EPHA8: variants seen among roughly 807,000 people sequenced by gnomAD.
The protein encoded by EPHA8 is EPH receptor A8.
A neutral mutation model predicts 103.6 loss-of-function variants in EPHA8; 58 were observed. That is an observed-to-expected ratio of 0.56 (90% CI 0.45 to 0.70). The LOEUF is 0.70. Ranked by LOEUF, EPHA8 falls within the 30% of genes least tolerant of loss-of-function variation. The pLI is 0.00. For synonymous variants in EPHA8, 559 were observed against 572.5 expected, an observed-to-expected ratio of 0.98 and a Z score of 0.34; for missense variants, 1,304 against 1,395.2, an observed-to-expected ratio of 0.93 and a Z score of 1.04.
At position 22,598,059 on chromosome 1, in the gene EPHA8, C is replaced by A; in HGVS notation, c.2117-92C>A. 6.7e-7 allele frequency: 1 copy of A among 1,483,360 alleles called. No homozygotes were observed. Among genetic ancestry groups the A allele is most frequent in the Non-Finnish European group, 9.4e-7 (1 of 1,066,668 alleles). The allele number at this position is 1,483,360 out of a possible 1,614,324, so 91.9% of individuals were successfully genotyped here. ...CACCCTGGGGTTTCCAGTGCTGGCA[C>A]AGGTCCTGAGATGGTGGTATGCTCC... On this transcript the variant is annotated intron_variant, in intron 11 of 16. Transcript: ENST00000166244. This position sits in a 1 kb window ranked among gnomAD's most constrained non-coding sequence, Gnocchi z 5.1.
chr1:22,576,175 G>C lies in EPHA8; in HGVS notation c.160-42G>C. 1 of 1,562,438 alleles carries C rather than the reference G, an allele frequency of 6.4e-7. No individual in the cohort carries two copies. Among genetic ancestry groups the C allele is most frequent in the South Asian group, 1.2e-5 (1 of 82,800 alleles). ...AGGGTCATTGGCAAAAGAGGGTGAGGTGCTGGCTCTGCTGTAGTGGCTGTG... is the reference window on the plus strand; with the variant it reads ...AGGGTCATTGGCAAAAGAGGGTGAGCTGCTGGCTCTGCTGTAGTGGCTGTG... On this transcript the variant is annotated intron_variant, in intron 2 of 16. Transcript: ENST00000166244. This position sits in a 1 kb window ranked among gnomAD's most constrained non-coding sequence, Gnocchi z 4.8.
At chr1:22,586,734 T>G in intron 4 of EPHA8, 99 bp downstream of exon 4, 23 of 1,431,154 alleles carry the variant, frequency 1.6e-5, no homozygotes, top group African/African-American at 4.5e-5. Flanking sequence ...TCTCTGCTGG[T>G]GGGGCAGGGG....
intron 9 of EPHA8, among the ~76,000 whole-genome samples, chr1:22,596,987 C>A (rs1412519406): frequency 1.3e-5 from 2 of 152,130 alleles, no homozygotes; most frequent in Non-Finnish European, 2.9e-5. Context: ...TCAAAGTTGA[C>A]CCTTGTGGCA....
chr1:22,583,414 C>T (rs557515147), intron 3 of EPHA8, among the ~76,000 whole-genome samples: 3 of 152,342 alleles, frequency 2.0e-5, no homozygotes, highest in South Asian at 2.1e-4. Flanking sequence ...GCCACAGCGG[C>T]GCAGCCATCT....
At chr1:22,588,539 TG>T (rs1641281100) in intron 4 of EPHA8, among the ~76,000 whole-genome samples, 1 of 147,752 alleles carries the variant, frequency 6.8e-6, no homozygotes, top group Non-Finnish European at 1.5e-5. Flanking sequence ...GTGGCTGCTG[TG>T]GGCACCCCCG....
Position 22,589,303 on chromosome 1 carries a change from G to T in EPHA8, c.1315+97G>T, listed in dbSNP as rs1557572771. On this transcript the variant is annotated intron_variant, in intron 5 of 16. Transcript: ENST00000166244. This position sits in a 1 kb window ranked among gnomAD's most constrained non-coding sequence, Gnocchi z 4.3. ...CAGAGCTCTGCCGGGGACGTGCTGTGGGCCTTTAGGCAAGTGCCTCTCTGG... is the reference window on the plus strand; with the variant it reads ...CAGAGCTCTGCCGGGGACGTGCTGTTGGCCTTTAGGCAAGTGCCTCTCTGG... 1 of 1,612,354 alleles carries T rather than the reference G, an allele frequency of 6.2e-7. No individual in the cohort carries two copies. Among genetic ancestry groups the T allele is most frequent in the Admixed American group, 1.7e-5 (1 of 60,020 alleles).
At chr1:22,600,265 AGGG>A (rs1483286689) in intron 13 of EPHA8, among the ~76,000 whole-genome samples, 1 of 145,486 alleles carries the variant, frequency 6.9e-6, no homozygotes, top group Non-Finnish European at 1.5e-5. Flanking sequence ...GGAAGGAAGA[AGGG>A]AAGGAAGGAA....
intron 4 of EPHA8, 145 bp downstream of exon 4, chr1:22,586,780 T>TGGCG (rs1641223178): frequency 1.1e-6 from 1 of 908,128 alleles, no homozygotes. Flanking sequence ...CAGTCTGAGG[T>TGGCG]GGGGGGGGTG....
At chr1:22,601,174 C>A in intron 15 of EPHA8, 86 bp downstream of exon 15, 1 of 1,534,486 alleles carries the variant, frequency 6.5e-7, no homozygotes, top group Non-Finnish European at 8.8e-7. Flanking sequence ...TTGGCCCTGA[C>A]ACTAGGACCA....
Position 22,596,150 on chromosome 1 carries a change from A to C in EPHA8, c.1742A>C (p.Lys581Thr), listed in dbSNP as rs138590921. The change falls in exon 9 of 17, where the codon AAG (lysine) becomes ACG (threonine). Residue 581 changes from lysine to threonine, a missense_variant. Lys to Thr is a moderately conservative substitution (Grantham distance 78). Coordinates refer to ENST00000166244, the MANE Select transcript of EPHA8 (RefSeq NM_020526.5). Reference protein sequence around the residue: ...SKAFQDSDEEKMHYQNGQAPP... With the variant: ...SKAFQDSDEETMHYQNGQAPP... ...GCCTTCCAGGACTCGGACGAGGAGA[A>C]GATGCACTATCAGAATGGACAGGGT... The C allele has an allele frequency of 6.2e-7, 1 of 1,613,858 alleles. No homozygotes were observed. Among genetic ancestry groups the C allele is most frequent in the African/African-American group, 1.3e-5 (1 of 74,940 alleles).
intron 3 of EPHA8, among the ~76,000 whole-genome samples, chr1:22,578,828 C>T (rs534076718): frequency 3.9e-4 from 55 of 142,034 alleles, no homozygotes; most frequent in African/African-American, 1.3e-3. Flanking sequence ...CATGTGCATG[C>T]CTGTGTGTAT....
Position 22,597,368 on chromosome 1 carries a change from C to G in EPHA8, c.1822C>G (p.Gln608Glu). 2 of 1,613,414 alleles carry G rather than the reference C, an allele frequency of 1.2e-6. No homozygotes were observed. The highest frequency in any genetic ancestry group is 1.7e-6 in the Non-Finnish European group (2 of 1,179,954). The change falls in exon 10 of 17, where the codon CAG becomes GAG. Residue 608 changes from glutamine to glutamate, a missense_variant. Transcript: ENST00000166244. This position sits in a 1 kb window ranked among gnomAD's most constrained non-coding sequence, Gnocchi z 4.6. ...CCCCCCGGGAAAGCTCCCAGAGCCCCAGTTCTATGCGGAACCCCACACCTA... is the reference window on the plus strand; with the variant it reads ...CCCCCCGGGAAAGCTCCCAGAGCCCGAGTTCTATGCGGAACCCCACACCTA... ...HHPPGKLPEP[Q>E]FYAEPHTYEE... is the part of the protein sequence containing the mutation.
At chr1:22,566,272 C>CT (rs1640355838) in intron 1 of EPHA8, among the ~76,000 whole-genome samples, 1 of 152,248 alleles carries the variant, frequency 6.6e-6, no homozygotes, top group South Asian at 2.1e-4. Flanking sequence ...AGAATCCTGG[C>CT]TGACGTCCCC....
intron 15 of EPHA8, 105 bp from the exon 16 acceptor site, chr1:22,601,194 TG>T: frequency 6.5e-7 from 1 of 1,528,922 alleles, no homozygotes; most frequent in Non-Finnish European, 8.8e-7. Flanking sequence ...AGGCCCAGCC[TG>T]GGCCCCCGGC....
At chr1:22,583,654 A>C (rs1641106812) in intron 3 of EPHA8, among the ~76,000 whole-genome samples, 1 of 152,226 alleles carries the variant, frequency 6.6e-6, no homozygotes, top group Non-Finnish European at 1.5e-5. Flanking sequence ...GTCTTCACTC[A>C]TGTCATGCTT....
intron 7 of EPHA8, among the ~76,000 whole-genome samples, chr1:22,594,321 C>T (rs879529783): frequency 2.0e-5 from 3 of 152,232 alleles, no homozygotes; most frequent in Admixed American, 6.5e-5. Flanking sequence ...GACGGTCGCT[C>T]GCCTGAGGCG....
rs148326577 is a variant in EPHA8 at position 22,588,986 on chromosome 1, G to T, written c.1095G>T (p.Val365=). Residue 365 remains valine, a synonymous_variant, in exon 5 of 17, where the codon GTG becomes GTT. Coordinates refer to ENST00000166244, the MANE Select transcript of EPHA8 (RefSeq NM_020526.5). ...GGRSDITYNA[V]CRRCPWALSR... ...GCAGTGACATCACCTACAATGCCGT[G>T]TGCCGCCGCTGCCCCTGGGCACTGA... The T allele has an allele frequency of 3.1e-6, 5 of 1,613,258 alleles. No homozygotes were observed. Among genetic ancestry groups the T allele is most frequent in the Non-Finnish European group, 4.2e-6 (5 of 1,179,746 alleles).
At chr1:22,577,715 G>A (rs1471861167) in intron 3 of EPHA8, among the ~76,000 whole-genome samples, 1 of 151,668 alleles carries the variant, frequency 6.6e-6, no homozygotes, top group East Asian at 1.9e-4. Flanking sequence ...TTCCTGTGTC[G>A]GAGCAGGAGC....
At chr1:22,579,787 C>G (rs1429601759) in intron 3 of EPHA8, among the ~76,000 whole-genome samples, 2 of 152,294 alleles carry the variant, frequency 1.3e-5, no homozygotes, top group East Asian at 3.9e-4. Flanking sequence ...GAGCCTGTCC[C>G]CAGATACCCT....
Sources: allele counts gnomAD v4.1 joint callset (sites outside exome capture counted in the v4.1 genomes callset), GRCh38; gene constraint gnomAD v4.1.1; non-coding constraint Gnocchi (gnomAD v3.1); transcripts MANE v1.5; gene names NCBI Gene and HGNC (gene_info 2026-07-23, HGNC 2026-07-21).